The following NKPD1 variants were observed in gnomAD, a reference collection of about 807,000 sequenced individuals.
NKPD1 encodes the protein NTPase KAP family P-loop domain containing 1.
A neutral mutation model predicts 42.2 loss-of-function variants in NKPD1; 37 were observed. The observed-to-expected ratio is 0.88, with a 90% CI of 0.67 to 1.15. The LOEUF (loss-of-function observed/expected upper bound fraction) is 1.15. Among genes scored for constraint, NKPD1 ranks in the 50% most tolerant of loss-of-function variants. The pLI is 0.00. For synonymous variants in NKPD1, 552 were observed against 536.5 expected, an observed-to-expected ratio of 1.03 and a Z score of -0.40; for missense variants, 1,113 against 1,174.6, an observed-to-expected ratio of 0.95 and a Z score of 0.77.
Position 45,158,280 on chromosome 19 carries a change from G to A in NKPD1, c.529+383C>T, listed in dbSNP as rs917223030. ...ACTCCCTAGCTCTGTCTTCCCCAAC[G>A]CCAGAGCCAGCCAACAACCCAGGGC... On this transcript the variant is annotated intron_variant, in intron 3 of 4. Transcript: ENST00000686631. This position sits in a 1 kb window ranked among gnomAD's most constrained non-coding sequence, Gnocchi z 4.6. Among the ~76,000 whole-genome samples the A allele has an allele frequency of 1.3e-5, 2 of 152,198 alleles. No homozygotes were observed. The highest frequency in any genetic ancestry group is 4.8e-5 in the African/African-American group (2 of 41,442).
At position 45,152,967 on chromosome 19, in the gene NKPD1, G is replaced by A; in HGVS notation, c.1470C>T (p.Ile490=). 1 of 1,586,262 alleles carries A rather than the reference G, an allele frequency of 6.3e-7. No individual in the cohort carries two copies. The highest frequency in any genetic ancestry group is 8.6e-7 in the Non-Finnish European group (1 of 1,165,420). Residue 490 remains isoleucine (I), a synonymous_variant, in exon 5 of 5, where the codon ATC becomes ATT. Coordinates refer to ENST00000686631, the MANE Select transcript of NKPD1 (RefSeq NM_198478.4). Reference sequence around the variant, plus strand: ...CCAGGATGCTGGGGTCCACGACCAGGATGAAGATGAAGGGCGCGTGGCTGT... The same window carrying A: ...CCAGGATGCTGGGGTCCACGACCAGAATGAAGATGAAGGGCGCGTGGCTGT... ...LSDSHAPFIF[I]LVVDPSILAA...
At chr19:45,156,225 C>A (rs922034327) in intron 3 of NKPD1, among the ~76,000 whole-genome samples, 5 of 152,204 alleles carry the variant, frequency 3.3e-5, no homozygotes, top group African/African-American at 1.2e-4. Context: ...TGGTCACTAG[C>A]CCGTGATTCC....
At position 45,152,997 on chromosome 19, in the gene NKPD1, C is replaced by A. The variant is rs376419048; in HGVS notation, c.1440G>T (p.Leu480=). ...AGATGAAGGGCGCGTGGCTGTCGGA[C>A]AGCAGCGTGTTGATGGCGTTGAGCA... ...VGVLNAINTL[L]SDSHAPFIFI... is the part of the protein sequence containing the mutation. The change falls in exon 5 of 5, where the codon CTG becomes CTT. Residue 480 remains leucine (L), a synonymous_variant. Transcript: ENST00000686631. 1.9e-6 allele frequency: 3 copies of A among 1,585,974 alleles called. No individual in the cohort carries two copies. The African/African-American group carries it at 4.0e-5, about 21-fold the overall frequency.
chr19:45,153,319 C>G lies in NKPD1; in HGVS notation c.1118G>C (p.Ser373Thr), dbSNP rs754720484. The G allele has an allele frequency of 1.3e-6, 2 of 1,572,388 alleles. No homozygotes were observed. The highest frequency in any genetic ancestry group is 1.7e-6 in the Non-Finnish European group (2 of 1,160,580). ...GCCAAACACCTTGAGCAGGCTGCCG[C>G]TCGGGCTGCCGTGGCCCAGCGCGTG... ...GGHALGHGSP[S>T]GSLLKVFGGA... Residue 373 changes from serine (S) to threonine (T), a missense_variant, in exon 5 of 5, where the codon AGC becomes ACC. Ser to Thr is a moderately conservative substitution (Grantham distance 58). Around this residue, in one of 3 missense-constraint regions of NKPD1, gnomAD observed 867 missense variants for 870.1 expected, o/e 1.00. Transcript: ENST00000686631.
Position 45,154,552 on chromosome 19 carries a change from G to A in NKPD1, c.662-777C>T, listed in dbSNP as rs1324935696. On this transcript the variant is annotated intron_variant, in intron 4 of 4. Coordinates refer to ENST00000686631, the MANE Select transcript of NKPD1 (RefSeq NM_198478.4). ...TTCTTTATATCCTCTTCTCCTCCCG[G>A]GACCCTGTGACAACACAGGACAGGA... Among the ~76,000 whole-genome samples, 7 of 152,288 alleles carry A rather than the reference G, an allele frequency of 4.6e-5. No homozygotes were observed. In the East Asian group the frequency reaches 1.2e-3, roughly 25 times the overall value.
chr19:45,152,005 C>A lies in NKPD1; in HGVS notation c.2432G>T (p.Arg811Met). The A allele has an allele frequency of 6.2e-7, 1 of 1,610,026 alleles. No individual in the cohort carries two copies. The highest frequency in any genetic ancestry group is 2.2e-5 in the East Asian group (1 of 44,784). ...ACAGGCCACCGGCCATAGCTTGCCC[C>A]TGTGGGCCAAGTCCCCAGTGTGGTG... is the stretch of plus-strand genomic sequence containing the variant. ...EGHHTGDLAH[R>M]GKLWPVACAL... Residue 811 changes from arginine (R) to methionine (M), a missense_variant, in exon 5 of 5, where the codon AGG becomes ATG. Arg to Met is a moderately conservative substitution (Grantham distance 91). Coordinates refer to ENST00000686631, the MANE Select transcript of NKPD1 (RefSeq NM_198478.4).
chr19:45,158,520 C>A lies in NKPD1; in HGVS notation c.529+143G>T. ...AGGCAGCCAGCCTGAGCCCCATGGC[C>A]AGGGACGCACCCCTCCTAGATAGGG... On this transcript the variant is annotated intron_variant, in intron 3 of 4. Transcript: ENST00000686631. This position sits in a 1 kb window ranked among gnomAD's most constrained non-coding sequence, Gnocchi z 4.6. 2.0e-6 allele frequency: 2 copies of A among 985,782 alleles called. No individual in the cohort carries two copies. Among genetic ancestry groups the A allele is most frequent in the Non-Finnish European group, 2.5e-6 (2 of 811,860 alleles). The allele number at this position is 985,782 out of a possible 1,614,324, so 61.1% of individuals were successfully genotyped here.
chr19:45,162,608 T>C (rs1474221341), upstream of NKPD1, among the ~76,000 whole-genome samples: 1 of 151,994 alleles, frequency 6.6e-6, no homozygotes, highest in Non-Finnish European at 1.5e-5. Flanking sequence ...CCCTACCCCA[T>C]GCATCCCCAG....
At chr19:45,159,892 T>C (rs560780156) in intron 2 of NKPD1, among the ~76,000 whole-genome samples, 168 bp downstream of exon 2, 1 of 152,344 alleles carries the variant, frequency 6.6e-6, no homozygotes, top group East Asian at 1.9e-4. Flanking sequence ...GCAGGCCCTG[T>C]GGTCCGGGTC....
intron 3 of NKPD1, among the ~76,000 whole-genome samples, chr19:45,157,695 C>A (rs896013693): frequency 2.0e-5 from 3 of 147,886 alleles, no homozygotes; most frequent in Non-Finnish European, 4.4e-5. Context: ...GGATTACAGG[C>A]ATGAGCCAGT....
chr19:45,152,817 GA>G lies in NKPD1; in HGVS notation c.1619del (p.Phe540SerfsTer17). On this transcript the variant is annotated frameshift_variant, in exon 5 of 5. Transcript: ENST00000686631. LOFTEE classifies it low-confidence loss of function (END_TRUNC). ...PIMGRRTKLQ[F>X]LHDAVQSRDD... The stretch of plus-strand genomic sequence containing the variant: ...CGCGGCTCTGCACCGCATCGTGCAG[GA>G]ACTGCAGCTTGGTGCGGCGGCCCAT... 6.3e-7 allele frequency: 1 copy of G among 1,598,888 alleles called. No individual in the cohort carries two copies. Among genetic ancestry groups the G allele is most frequent in the East Asian group, 2.3e-5 (1 of 44,290 alleles).
upstream of NKPD1, among the ~76,000 whole-genome samples, chr19:45,161,156 G>C (rs16979707): frequency 0.039 from 5,919 of 152,312 alleles, 351 homozygotes; most frequent in East Asian, 0.28. Flanking sequence ...GGTAAGGAAC[G>C]GAGATGCATC....
intron 4 of NKPD1, among the ~76,000 whole-genome samples, chr19:45,155,162 C>CA (rs1478674237): frequency 1.4e-5 from 2 of 147,164 alleles, no homozygotes; most frequent in East Asian, 2.0e-4. Context: ...ACTAAAAATA[C>CA]AAAAAATTAG....
At position 45,153,733 on chromosome 19, in the gene NKPD1, A is replaced by C. The variant is rs1461218638; in HGVS notation, c.704T>G (p.Leu235Arg). Reference sequence around the variant, plus strand: ...ACGCGGCCGCCACTGCACGTGCTGCAGCTCCTCGCTCTCGCGCTGCGCGGC... The same window carrying C: ...ACGCGGCCGCCACTGCACGTGCTGCCGCTCCTCGCTCTCGCGCTGCGCGGC... ...QEAAQRESEE[L>R]QHVQWRPRAV... Residue 235 changes from leucine to arginine, a missense_variant, in exon 5 of 5, where the codon CTG becomes CGG. Leu to Arg is a moderately radical substitution (Grantham distance 102). Coordinates refer to ENST00000686631, the MANE Select transcript of NKPD1 (RefSeq NM_198478.4). The C allele has an allele frequency of 9.2e-6, 14 of 1,516,608 alleles. No homozygotes were observed. Among genetic ancestry groups the C allele is most frequent in the Admixed American group, 2.0e-5 (1 of 50,178 alleles). The allele number at this position is 1,516,608 out of a possible 1,614,324, so 93.9% of individuals were successfully genotyped here.
At position 45,152,836 on chromosome 19, in the gene NKPD1, C is replaced by T; in HGVS notation, c.1601G>A (p.Arg534His). Residue 534 changes from arginine (R) to histidine (H), a missense_variant, in exon 5 of 5, where the codon CGC becomes CAC. Arg to His is a conservative substitution (Grantham distance 29). Coordinates refer to ENST00000686631, the MANE Select transcript of NKPD1 (RefSeq NM_198478.4). ...TLPFSVPIMG[R>H]RTKLQFLHDA... ...GTGCAGGAACTGCAGCTTGGTGCGG[C>T]GGCCCATAATGGGCACAGAGAAGGG... is the stretch of plus-strand genomic sequence containing the variant. The T allele has an allele frequency of 1.9e-6, 3 of 1,594,444 alleles. No homozygotes were observed. Among genetic ancestry groups the T allele is most frequent in the Non-Finnish European group, 1.7e-6 (2 of 1,167,926 alleles).
At position 45,153,851 on chromosome 19, in the gene NKPD1, G is replaced by A. The variant is rs1968851616; in HGVS notation, c.662-76C>T. ...GGCGGGGCCTAGTACGGGCAGGGCGGAGCGCTCCTGGAGAGGCGAGGGGCG... is the reference window on the plus strand; with the variant it reads ...GGCGGGGCCTAGTACGGGCAGGGCGAAGCGCTCCTGGAGAGGCGAGGGGCG... On this transcript the variant is annotated intron_variant, in intron 4 of 4. Transcript: ENST00000686631. 39 of 1,370,756 alleles carry A rather than the reference G, an allele frequency of 2.8e-5. 1 individual carries two copies. In the South Asian group the frequency reaches 6.4e-4, roughly 23 times the overall value. The allele number at this position is 1,370,756 out of a possible 1,614,324, so 84.9% of individuals were successfully genotyped here. A position where few individuals can be genotyped will look rare whatever the true frequency, so the allele number is the denominator to read the frequency against.
chr19:45,160,866 T>C (rs1968991474), intron 1 of NKPD1, among the ~76,000 whole-genome samples, 59 bp downstream of exon 1: 2 of 151,054 alleles, frequency 1.3e-5, no homozygotes, highest in Non-Finnish European at 3.0e-5. Context: ...GAAACTGGGG[T>C]GCTGAGAGTT....
Position 45,152,849 on chromosome 19 carries a change from G to A in NKPD1, c.1588C>T (p.Pro530Ser), listed in dbSNP as rs1214118297. Reference sequence around the variant, plus strand: ...AGCTTGGTGCGGCGGCCCATAATGGGCACAGAGAAGGGCAGCGTGACAGTG... The same window carrying A: ...AGCTTGGTGCGGCGGCCCATAATGGACACAGAGAAGGGCAGCGTGACAGTG... ...NRTVTLPFSV[P>S]IMGRRTKLQF... The change falls in exon 5 of 5, where the codon CCC becomes TCC. Residue 530 changes from proline (P) to serine (S), a missense_variant. By Grantham distance (74) the Pro-to-Ser change is moderately conservative. Coordinates refer to ENST00000686631, the MANE Select transcript of NKPD1 (RefSeq NM_198478.4). The A allele has an allele frequency of 6.3e-7, 1 of 1,592,918 alleles. No homozygotes were observed. The highest frequency in any genetic ancestry group is 8.6e-7 in the Non-Finnish European group (1 of 1,166,922).
rs1968993860 is a variant in NKPD1, at chr19:45,160,979, G to T, written c.-126C>A. Among the ~76,000 whole-genome samples the T allele has an allele frequency of 6.6e-6, 1 of 152,114 alleles. No individual in the cohort carries two copies. ...TGCCCCACGAGCAGCTGCCACACCAGCCCGGACTGTCAGCGCAGGCCCATC... is the reference window on the plus strand; with the variant it reads ...TGCCCCACGAGCAGCTGCCACACCATCCCGGACTGTCAGCGCAGGCCCATC... On this transcript the variant is annotated 5_prime_UTR_variant, in exon 1 of 5. It adds an upstream start codon to the 5' untranslated region. Transcript: ENST00000686631.
Sources: gnomAD v4.1 joint callset for allele counts (sites outside exome capture counted in the v4.1 genomes callset) on GRCh38, gnomAD v4.1.1 for gene constraint, gnomAD v4.1.1 regional missense constraint, Gnocchi (gnomAD v3.1) non-coding constraint, MANE v1.5 for transcripts, NCBI Gene and HGNC (gene_info 2026-07-23, HGNC 2026-07-21) for gene names.